The following LRCH1 variants were observed in gnomAD, a reference collection of about 807,000 sequenced individuals.
LRCH1 encodes the protein leucine rich repeats and calponin homology domain containing 1.
In LRCH1, 23 loss-of-function variants were observed where a neutral mutation model predicts 94.9. The observed-to-expected ratio is 0.24, with a 90% CI of 0.17 to 0.34. The LOEUF (loss-of-function observed/expected upper bound fraction) is 0.34, where lower values mean the gene tolerates loss of function less well. Ranked by LOEUF, LRCH1 falls within the 10% of genes least tolerant of loss-of-function variation. The pLI is 1.00. For synonymous variants in LRCH1, 364 were observed against 354.9 expected (o/e 1.03, Z -0.29); for missense variants, 790 against 945.9 (o/e 0.84, Z 2.16).
chr13:46,683,655 G>A (rs2138145702), intron 4 of LRCH1, among the ~76,000 whole-genome samples: 1 of 152,232 alleles, frequency 6.6e-6, no homozygotes, highest in South Asian at 2.1e-4. Flanking sequence ...TGATCATTTT[G>A]CAATTGCCTG....
chr13:46,599,314 A>G (rs1446093270), intron 1 of LRCH1, among the ~76,000 whole-genome samples: 2 of 152,214 alleles, frequency 1.3e-5, no homozygotes, highest in Non-Finnish European at 1.5e-5. Context: ...TGGGTTTGCA[A>G]ATATCTCTTT....
chr13:46,591,003 G>A (rs543638969), intron 1 of LRCH1, among the ~76,000 whole-genome samples: 24 of 150,666 alleles, frequency 1.6e-4, no homozygotes, highest in African/African-American at 5.9e-4. Context: ...AGTTCTCTGC[G>A]AGCTATACAC....
At chr13:46,706,909 A>G (rs1871791268) in intron 13 of LRCH1, among the ~76,000 whole-genome samples, 1 of 152,140 alleles carries the variant, frequency 6.6e-6, no homozygotes, top group African/African-American at 2.4e-5. Flanking sequence ...AACACACACA[A>G]TTCTTTTGCT....
chr13:46,562,396 T>C (rs2050139366), intron 1 of LRCH1, among the ~76,000 whole-genome samples: 1 of 152,192 alleles, frequency 6.6e-6, no homozygotes, highest in Non-Finnish European at 1.5e-5. Flanking sequence ...CTCTCTTGGC[T>C]TACAGGTGGA....
Position 46,573,845 on chromosome 13 carries a change from A to AATATATATATATATATATATATATAT in LRCH1, c.307+20164_307+20165insATATATATATATATATATATATATAT, listed in dbSNP as rs1555269134. Among the ~76,000 whole-genome samples the AATATATATATATATATATATATATAT allele has an allele frequency of 1.1e-3, 87 of 77,916 alleles. 2 individuals are homozygous for AATATATATATATATATATATATATAT. Among genetic ancestry groups the AATATATATATATATATATATATATAT allele is most frequent in the South Asian group, 2.5e-3 (5 of 1,982 alleles). 51.1% of individuals were successfully genotyped at this position (77,916 alleles called of 152,430 possible). On this transcript the variant is annotated intron_variant, in intron 1 of 19. Transcript: ENST00000389797. Reference sequence around the variant, plus strand: ...TAGCACAACAGGGTGACTATAGTCAAATATATATATATATATATATATTTT... The same window carrying AATATATATATATATATATATATATAT: ...TAGCACAACAGGGTGACTATAGTCAAATATATATATATATATATATATATATATATATATATATATATATATATTTT...
intron 18 of LRCH1, among the ~76,000 whole-genome samples, chr13:46,731,202 G>A (rs573201874): frequency 5.6e-4 from 75 of 134,470 alleles, no homozygotes; most frequent in Middle Eastern, 9.3e-3. Flanking sequence ...TTTTTTAAAT[G>A]TATTATTGAA....
Position 46,553,311 on chromosome 13 carries a change from AG to A in LRCH1, c.-85del. The stretch of plus-strand genomic sequence containing the variant: ...CTTTCGGTGGAGCACTGCGGCACTC[AG>A]CCCGAGCTGCCGTTTTCCCCTCGCG... On this transcript the variant is annotated 5_prime_UTR_variant, in exon 1 of 20. Coordinates refer to ENST00000389797, the MANE Select transcript of LRCH1 (RefSeq NM_001164211.2). 22 of 1,158,842 alleles carry A rather than the reference AG, an allele frequency of 1.9e-5. No individual in the cohort carries two copies. The highest frequency in any genetic ancestry group is 2.6e-5 in the Non-Finnish European group (22 of 833,698). 71.8% of individuals were successfully genotyped at this position (1,158,842 alleles called of 1,614,324 possible).
Position 46,701,162 on chromosome 13 carries a change from T to A in LRCH1, c.1355T>A (p.Ile452Asn), listed in dbSNP as rs545191285. The change falls in exon 11 of 20, where the codon ATC (isoleucine) becomes AAC (asparagine). Residue 452 changes from isoleucine (I) to asparagine (N), a missense_variant. By Grantham distance (149) the Ile-to-Asn change is moderately radical (BLOSUM62 -3). Coordinates refer to ENST00000389797, the MANE Select transcript of LRCH1 (RefSeq NM_001164211.2). ...GATCAGGACATGGATATAGCAATGA[T>A]CGAGCAGCTGAGAGAAGCAGTAGAT... Reference protein sequence around the residue: ...SKDQDMDIAMIEQLREAVDLL... With the variant: ...SKDQDMDIAMNEQLREAVDLL... 335 of 1,613,884 alleles carry A rather than the reference T, an allele frequency of 2.1e-4. 5 individuals carry two copies. The South Asian group carries it at 3.4e-3, about 16-fold the overall frequency.
chr13:46,615,612 TTCA>T (rs756792185), intron 1 of LRCH1, among the ~76,000 whole-genome samples: 1 of 152,200 alleles, frequency 6.6e-6, no homozygotes, highest in Non-Finnish European at 1.5e-5. Context: ...CTTCCATTCC[TTCA>T]TCAAGATATT....
chr13:46,696,205 C>CGT, intron 9 of LRCH1, among the ~76,000 whole-genome samples: 1 of 128,966 alleles, frequency 7.8e-6, no homozygotes, highest in Admixed American at 7.0e-5. Flanking sequence ...TACACACACA[C>CGT]ACACACACAC....
chr13:46,565,950 C>T (rs1332582349), intron 1 of LRCH1, among the ~76,000 whole-genome samples: 3 of 151,854 alleles, frequency 2.0e-5, no homozygotes, highest in East Asian at 1.9e-4. Flanking sequence ...ATGGGGAACC[C>T]TATTCCTGTG....
At chr13:46,572,494 G>A (rs1325998904) in intron 1 of LRCH1, among the ~76,000 whole-genome samples, 1 of 152,074 alleles carries the variant, frequency 6.6e-6, no homozygotes, top group East Asian at 1.9e-4. Context: ...AGAACAGAGT[G>A]ATCTAAAAGC....
chr13:46,568,151 T>G (rs1481730573), intron 1 of LRCH1, among the ~76,000 whole-genome samples: 1 of 142,122 alleles, frequency 7.0e-6, no homozygotes, highest in Non-Finnish European at 1.5e-5. Flanking sequence ...AACACTCTTT[T>G]CTTTAGAGAA....
chr13:46,618,738 C>T (rs898733377), intron 1 of LRCH1, among the ~76,000 whole-genome samples: 2 of 152,152 alleles, frequency 1.3e-5, no homozygotes, highest in Non-Finnish European at 1.5e-5. Flanking sequence ...ATAGTGTACT[C>T]GGAGGAACTT....
chr13:46,730,788 T>G (rs937122723), intron 18 of LRCH1, among the ~76,000 whole-genome samples: 2 of 152,158 alleles, frequency 1.3e-5, no homozygotes, highest in Non-Finnish European at 2.9e-5. Flanking sequence ...TCTCAGTAAT[T>G]TTTCCCAAAT....
At chr13:46,621,405 G>A (rs1212283413) in intron 1 of LRCH1, among the ~76,000 whole-genome samples, 2 of 152,206 alleles carry the variant, frequency 1.3e-5, no homozygotes, top group African/African-American at 2.4e-5. Context: ...TCTGAGTGCA[G>A]GGTGCTTGAA....
rs910708390 is a variant in LRCH1, at chr13:46,743,599, C to T, written c.*1751C>T. The T allele has an allele frequency of 4.1e-6, 4 of 985,518 alleles. No homozygotes were observed. Among genetic ancestry groups the T allele is most frequent in the Admixed American group, 6.2e-5 (1 of 16,260 alleles). The allele number at this position is 985,518 out of a possible 1,614,324, so 61.0% of individuals were successfully genotyped here. A position where few individuals can be genotyped will look rare whatever the true frequency, so the allele number is the denominator to read the frequency against. ...AATAAACACATTTTGGGTGATTATT[C>T]CAAGTTTTTATCAGCCCATTGATAC... On this transcript the variant is annotated 3_prime_UTR_variant, in exon 20 of 20. Transcript: ENST00000389797.
At chr13:46,732,380 G>C (rs924632127) in intron 18 of LRCH1, among the ~76,000 whole-genome samples, 1 of 152,132 alleles carries the variant, frequency 6.6e-6, no homozygotes, top group Non-Finnish European at 1.5e-5. Context: ...TTTATTATTG[G>C]ACCAGTGGTG....
rs775200616 is a variant in LRCH1, at chr13:46,728,891, G to A, written c.1914G>A (p.Gly638=). Residue 638 remains glycine, a synonymous_variant, in exon 18 of 20, where the codon GGG becomes GGA. Transcript: ENST00000389797. ...RLKVSLHEDL[G]AALMDGVVLC... is the part of the protein sequence containing the mutation. ...AGGTCAGTCTACACGAAGACCTGGG[G>A]GCAGCCCTCATGGATGGTGTCGTCC... 3.5e-5 allele frequency: 56 copies of A among 1,613,214 alleles called. No individual in the cohort carries two copies. The South Asian group carries it at 4.6e-4, about 13-fold the overall frequency.
Sources: allele counts gnomAD v4.1 joint callset (sites outside exome capture counted in the v4.1 genomes callset), GRCh38; gene constraint gnomAD v4.1.1; transcripts MANE v1.5; gene names NCBI Gene and HGNC (gene_info 2026-07-23, HGNC 2026-07-21).